ADAMTS12: variants seen among roughly 807,000 people sequenced by gnomAD.
ADAMTS12 encodes the protein ADAM metallopeptidase with thrombospondin type 1 motif 12.
In ADAMTS12, 118 loss-of-function variants were observed where a neutral mutation model predicts 167.8. The observed-to-expected ratio is 0.70, with a 90% CI of 0.61 to 0.82. The LOEUF (loss-of-function observed/expected upper bound fraction) is 0.82, where lower values mean the gene tolerates loss of function less well. ADAMTS12 is among the 40% of genes least tolerant of loss of function. The pLI is 0.00. For synonymous variants in ADAMTS12, 704 were observed against 716.9 expected (o/e 0.98, Z 0.29); for missense variants, 1,916 against 1,998.8 (o/e 0.96, Z 0.79).
chr5:33,866,965 T>C (rs1465937441), intron 2 of ADAMTS12, among the ~76,000 whole-genome samples: 1 of 151,742 alleles, frequency 6.6e-6, no homozygotes, highest in Non-Finnish European at 1.5e-5. Context: ...TTGGCATAGG[T>C]GTGGTGAAAG....
intron 2 of ADAMTS12, among the ~76,000 whole-genome samples, chr5:33,791,769 T>C (rs140030800): frequency 2.1e-5 from 3 of 143,566 alleles, no homozygotes; most frequent in African/African-American, 7.8e-5. Context: ...TATTTCCTTT[T>C]CTTTTTTTTT....
At position 33,525,631 on chromosome 5, in the gene ADAMTS12, A is replaced by G. The variant is rs1743779344; in HGVS notation, c.*1557T>C. 6.6e-6 allele frequency: 1 copy of G among 152,154 alleles called. No homozygotes were observed. Among genetic ancestry groups the G allele is most frequent in the Admixed American group, 6.5e-5 (1 of 15,274 alleles). The allele number at this position is 152,154 out of a possible 1,614,324, so 9.4% of individuals were successfully genotyped here. Reference sequence around the variant, plus strand: ...TCTAGATATTAGCACCATTTTTTTAATAGCACCATTCTGCTGAACGGATAG... The same window carrying G: ...TCTAGATATTAGCACCATTTTTTTAGTAGCACCATTCTGCTGAACGGATAG... On this transcript the variant is annotated 3_prime_UTR_variant, in exon 24 of 24. Coordinates refer to ENST00000504830, the MANE Select transcript of ADAMTS12 (RefSeq NM_030955.4).
At chr5:33,632,367 C>T (rs1018011150) in intron 12 of ADAMTS12, among the ~76,000 whole-genome samples, 4 of 148,788 alleles carry the variant, frequency 2.7e-5, no homozygotes, top group Admixed American at 1.3e-4. Context: ...ACCCAGGTAA[C>T]AAACAAGCAC....
intron 2 of ADAMTS12, among the ~76,000 whole-genome samples, chr5:33,846,966 T>C (rs915944109): frequency 1.3e-5 from 2 of 152,226 alleles, no homozygotes; most frequent in Non-Finnish European, 2.9e-5. Context: ...GAGCTTCTCT[T>C]GCCCACCAAT....
chr5:33,794,048 G>A (rs1746679688), intron 2 of ADAMTS12, among the ~76,000 whole-genome samples: 1 of 152,140 alleles, frequency 6.6e-6, no homozygotes, highest in East Asian at 1.9e-4. Context: ...TCCCTGTGGT[G>A]CCCAGCGGGA....
chr5:33,689,412 C>CAAA (rs56858878), intron 3 of ADAMTS12, among the ~76,000 whole-genome samples: 4 of 148,468 alleles, frequency 2.7e-5, no homozygotes, highest in African/African-American at 4.9e-5. Context: ...AGGATCAACT[C>CAAA]AAAAAAAAAA....
intron 14 of ADAMTS12, among the ~76,000 whole-genome samples, chr5:33,618,798 C>G (rs1488896006): frequency 6.6e-6 from 1 of 152,178 alleles, no homozygotes; most frequent in East Asian, 1.9e-4. Flanking sequence ...GTGAAGCCAT[C>G]CACAACATTG....
intron 2 of ADAMTS12, among the ~76,000 whole-genome samples, chr5:33,805,669 T>C (rs919572615): frequency 7.2e-5 from 11 of 152,194 alleles, no homozygotes; most frequent in African/African-American, 2.4e-4. Flanking sequence ...ACTTTGATAA[T>C]GAATGTTTGT....
chr5:33,570,056 A>C (rs1746240499), intron 19 of ADAMTS12, among the ~76,000 whole-genome samples: 1 of 152,240 alleles, frequency 6.6e-6, no homozygotes, highest in Non-Finnish European at 1.5e-5. Flanking sequence ...AAAAAGAATA[A>C]AAAGGAACAA....
intron 2 of ADAMTS12, among the ~76,000 whole-genome samples, chr5:33,753,131 C>T (rs117783399): frequency 1.3e-5 from 2 of 152,320 alleles, no homozygotes; most frequent in East Asian, 3.9e-4. Context: ...ACGCCTACTA[C>T]CTCATAGGGC....
At chr5:33,560,941 C>A in intron 20 of ADAMTS12, 86 bp downstream of exon 20, 9 of 1,424,542 alleles carry the variant, frequency 6.3e-6, no homozygotes, top group South Asian at 1.3e-5. Flanking sequence ...AAAAAAACGA[C>A]TTTAGCAAGT....
intron 2 of ADAMTS12, among the ~76,000 whole-genome samples, chr5:33,769,379 T>C (rs529339049): frequency 2.0e-5 from 3 of 152,258 alleles, no homozygotes; most frequent in Admixed American, 1.3e-4. Flanking sequence ...CCAACCAGAA[T>C]TGGGTGCCAG....
At chr5:33,825,106 T>TA (rs1283386436) in intron 2 of ADAMTS12, among the ~76,000 whole-genome samples, 2 of 152,202 alleles carry the variant, frequency 1.3e-5, no homozygotes, top group African/African-American at 4.8e-5. Context: ...AAGCACATCC[T>TA]AATAGAGTTC....
chr5:33,657,742 G>A (rs893104448), intron 7 of ADAMTS12, among the ~76,000 whole-genome samples: 2 of 152,180 alleles, frequency 1.3e-5, no homozygotes, highest in African/African-American at 4.8e-5. Context: ...TATTTCAAGA[G>A]GTTGTTAAGC....
chr5:33,858,668 A>G (rs1561312546), intron 2 of ADAMTS12, among the ~76,000 whole-genome samples: 5 of 147,482 alleles, frequency 3.4e-5, no homozygotes. Flanking sequence ...AAAAAAAAAA[A>G]AAGAAAAGAA....
At chr5:33,559,204 C>G (rs1334165231) in intron 20 of ADAMTS12, among the ~76,000 whole-genome samples, 1 of 152,170 alleles carries the variant, frequency 6.6e-6, no homozygotes, top group Non-Finnish European at 1.5e-5. Context: ...TCTTGGGTAG[C>G]TCTTTCTTTT....
chr5:33,756,766 T>C (rs892649922), intron 2 of ADAMTS12, among the ~76,000 whole-genome samples: 1 of 152,176 alleles, frequency 6.6e-6, no homozygotes, highest in Non-Finnish European at 1.5e-5. Flanking sequence ...AAGACATTGG[T>C]GTATCTGCCT....
At chr5:33,803,446 G>T (rs1012063962) in intron 2 of ADAMTS12, among the ~76,000 whole-genome samples, 1 of 152,164 alleles carries the variant, frequency 6.6e-6, no homozygotes, top group Non-Finnish European at 1.5e-5. Context: ...GGGTGCACTG[G>T]CCTGAACCAT....
chr5:33,583,941 G>C (rs922969373), intron 18 of ADAMTS12, among the ~76,000 whole-genome samples: 17 of 152,156 alleles, frequency 1.1e-4, no homozygotes, highest in Non-Finnish European at 1.8e-4. Context: ...AACAGAATGA[G>C]AAAAGCCAGT....
Sources: gnomAD v4.1 joint callset for allele counts (sites outside exome capture counted in the v4.1 genomes callset) on GRCh38, gnomAD v4.1.1 for gene constraint, MANE v1.5 for transcripts, NCBI Gene and HGNC (gene_info 2026-07-23, HGNC 2026-07-21) for gene names.